URGCP: variants seen among roughly 807,000 people sequenced by gnomAD.
URGCP encodes the protein upregulator of cell proliferation.
A neutral mutation model predicts 24.6 loss-of-function variants in URGCP; 13 were observed. The observed-to-expected ratio is 0.53, with a 90% CI of 0.34 to 0.84. The LOEUF (loss-of-function observed/expected upper bound fraction) is 0.84. Ranked by LOEUF, URGCP falls within the 40% of genes least tolerant of loss-of-function variation. The pLI, the probability that URGCP is intolerant of heterozygous loss-of-function variation, is 0.01. For synonymous variants in URGCP, 444 were observed against 487.2 expected (o/e 0.91, Z 1.17); for missense variants, 899 against 1,194.3 (o/e 0.75, Z 3.64).
rs777588062 is a variant in URGCP at position 43,876,927 on chromosome 7, T to C, written c.2536A>G (p.Ser846Gly). The C allele has an allele frequency of 6.2e-7, 1 of 1,614,086 alleles. No homozygotes were observed. The highest frequency in any genetic ancestry group is 2.2e-5 in the East Asian group (1 of 44,886). The change falls in exon 6 of 6, where the codon AGC (serine) becomes GGC (glycine). Residue 846 changes from serine to glycine, a missense_variant. Ser to Gly is a moderately conservative substitution (Grantham distance 56). Transcript: ENST00000453200. Reference protein sequence around the residue: ...RQLLDPPGDLSRAAAQMEKQG... With the variant: ...RQLLDPPGDLGRAAAQMEKQG... ...TTCTCCATCTGGGCTGCAGCCCTGC[T>C]CAGGTCACCAGGTGGATCCAGGAGC... is the stretch of plus-strand genomic sequence containing the variant.
At chr7:43,899,836 C>T (rs2528390) in intron 1 of URGCP, among the ~76,000 whole-genome samples, 109,590 of 152,100 alleles carry the variant, frequency 0.72, 39,846 homozygotes, top group African/African-American at 0.83. Context: ...TATTAGAGAC[C>T]CTAAAAAGTC....
Position 43,879,028 on chromosome 7 carries a change from C to T in URGCP, c.435G>A (p.Val145=). 6.2e-7 allele frequency: 1 copy of T among 1,614,208 alleles called. No individual in the cohort carries two copies. Among genetic ancestry groups the T allele is most frequent in the Non-Finnish European group, 8.5e-7 (1 of 1,180,036 alleles). The change falls in exon 6 of 6, where the codon GTG becomes GTA. Residue 145 remains valine, a synonymous_variant. Coordinates refer to ENST00000453200, the MANE Select transcript of URGCP (RefSeq NM_001077663.3). ...VLDVLPDARP[V]EKESQMEEEI... ...CCTCTTCCATCTGGCTCTCCTTCTCCACAGGCCTGGCGTCTGGGAGCACGT... is the reference window on the plus strand; with the variant it reads ...CCTCTTCCATCTGGCTCTCCTTCTCTACAGGCCTGGCGTCTGGGAGCACGT...
chr7:43,883,777 TTGA>T (rs1389110822), intron 3 of URGCP, among the ~76,000 whole-genome samples: 1 of 152,172 alleles, frequency 6.6e-6, no homozygotes, highest in Non-Finnish European at 1.5e-5. Context: ...ACCGTCTTCT[TTGA>T]TGATATCTCT....
At chr7:43,903,902 C>T (rs574401135) in intron 1 of URGCP, among the ~76,000 whole-genome samples, 2 of 152,282 alleles carry the variant, frequency 1.3e-5, no homozygotes, top group South Asian at 2.1e-4. Context: ...GAAACCCCAA[C>T]AGTGAAAGAG....
At chr7:43,926,450 G>T (rs988221361), upstream of URGCP, 10 of 1,263,328 alleles carry the variant, frequency 7.9e-6, no homozygotes, top group Non-Finnish European at 1.0e-5. Flanking sequence ...CTCCCGGCGT[G>T]CAGCTTGGTG....
At chr7:43,918,576 C>A in intron 1 of URGCP, 1 of 418,084 alleles carries the variant, frequency 2.4e-6, no homozygotes, top group Non-Finnish European at 4.4e-6. Flanking sequence ...TCACCACACC[C>A]AGACCCCAAA....
At chr7:43,913,375 T>C (rs544628580) in intron 1 of URGCP, among the ~76,000 whole-genome samples, 1 of 139,346 alleles carries the variant, frequency 7.2e-6, no homozygotes, top group Non-Finnish European at 1.5e-5. Flanking sequence ...CTCCCGGCTA[T>C]TTTTTTTTTT....
At chr7:43,906,481 C>G (rs2095903247) in intron 1 of URGCP, 81 bp downstream of exon 1, 1 of 1,116,332 alleles carries the variant, frequency 9.0e-7, no homozygotes, top group African/African-American at 1.7e-5. Context: ...GACCAGAGCC[C>G]GCAGGCCAGA....
upstream of URGCP, among the ~76,000 whole-genome samples, chr7:43,907,601 G>A (rs2095905555): frequency 6.6e-6 from 1 of 152,034 alleles, no homozygotes; most frequent in Non-Finnish European, 1.5e-5. Context: ...CCTTAGCTCT[G>A]AAGCCAGAAT....
At chr7:43,896,468 A>AG (rs1430896579) in intron 1 of URGCP, among the ~76,000 whole-genome samples, 3 of 151,962 alleles carry the variant, frequency 2.0e-5, no homozygotes, top group Non-Finnish European at 4.4e-5. Flanking sequence ...AAAAAAAAAA[A>AG]AAAAGATACA....
intron 1 of URGCP, among the ~76,000 whole-genome samples, chr7:43,916,292 T>G (rs1209017560): frequency 6.6e-6 from 1 of 152,142 alleles, no homozygotes; most frequent in African/African-American, 2.4e-5. Context: ...GCTACAGGCT[T>G]TTTTCCTTTT....
intron 1 of URGCP, among the ~76,000 whole-genome samples, chr7:43,898,436 T>C (rs999615189): frequency 2.0e-5 from 3 of 152,182 alleles, no homozygotes; most frequent in Admixed American, 6.5e-5. Flanking sequence ...AATTTTAAAA[T>C]ACTGAATCTG....
chr7:43,883,345 TATATATATATATATA>T (rs1176603419), intron 3 of URGCP, among the ~76,000 whole-genome samples: 34 of 97,736 alleles, frequency 3.5e-4, no homozygotes, highest in African/African-American at 1.7e-3. Flanking sequence ...TACATATATA[TATATATATATATATA>T]TATTTTTTTT....
At chr7:43,902,581 G>A (rs565626659) in intron 1 of URGCP, among the ~76,000 whole-genome samples, 6 of 152,324 alleles carry the variant, frequency 3.9e-5, no homozygotes, top group South Asian at 4.1e-4. Context: ...AGAAAAAAGC[G>A]GAATCTTTCT....
upstream of URGCP, chr7:43,910,716 T>C (rs2095909208): frequency 6.6e-6 from 1 of 151,894 alleles, no homozygotes; most frequent in Non-Finnish European, 1.5e-5. Flanking sequence ...ATTAGCCAGG[T>C]GTGGTAATGC....
intron 1 of URGCP, among the ~76,000 whole-genome samples, chr7:43,899,284 ATTTTTT>A (rs753099024): frequency 7.2e-6 from 1 of 139,574 alleles, no homozygotes; most frequent in South Asian, 2.2e-4. Context: ...GAAAGGCTTA[ATTTTTT>A]TTTTTTTTTT....
At chr7:43,905,827 AT>A (rs1256848076) in intron 1 of URGCP, 1 of 152,250 alleles carries the variant, frequency 6.6e-6, no homozygotes, top group Non-Finnish European at 1.5e-5. Context: ...AAACAAAAAA[AT>A]AATGAATTAC....
chr7:43,921,715 T>C (rs2095922684), intron 1 of URGCP, among the ~76,000 whole-genome samples: 1 of 152,156 alleles, frequency 6.6e-6, no homozygotes. Flanking sequence ...GGAATGGACA[T>C]GGAAATTTTT....
At chr7:43,914,798 C>T (rs573480514) in intron 1 of URGCP, among the ~76,000 whole-genome samples, 2 of 152,180 alleles carry the variant, frequency 1.3e-5, no homozygotes, top group East Asian at 1.9e-4. Flanking sequence ...AATTATTTTT[C>T]GGTTTCTTTG....
Sources: allele counts gnomAD v4.1 joint callset (sites outside exome capture counted in the v4.1 genomes callset), GRCh38; gene constraint gnomAD v4.1.1; transcripts MANE v1.5; gene names NCBI Gene and HGNC (gene_info 2026-07-23, HGNC 2026-07-21).